The following PPP2R3A variants were observed in gnomAD, a reference collection of about 807,000 sequenced individuals.
PPP2R3A encodes the protein protein phosphatase 2 regulatory subunit B''alpha, also known as serine/threonine-protein phosphatase 2A regulatory subunit B'' subunit alpha.
In PPP2R3A, 80 loss-of-function variants were observed where a neutral mutation model predicts 106.9. The observed-to-expected ratio is 0.75, with a 90% CI of 0.62 to 0.90. The LOEUF (loss-of-function observed/expected upper bound fraction) is 0.90. PPP2R3A is among the 40% of genes least tolerant of loss of function. PPP2R3A has a pLI of 0.00. For missense variants in PPP2R3A, 1,386 were observed against 1,350.4 expected, an observed-to-expected ratio of 1.03 and a Z score of -0.41; for synonymous variants, 483 against 468.3, an observed-to-expected ratio of 1.03 and a Z score of -0.41.
rs543832763 is a variant in PPP2R3A at position 136,001,147 on chromosome 3, A to G, written c.-352A>G. On this transcript the variant is annotated 5_prime_UTR_variant, in exon 2 of 14. It removes an upstream start codon present in the reference 5' UTR. Coordinates refer to ENST00000264977, the MANE Select transcript of PPP2R3A (RefSeq NM_002718.5). ...ACTTCTCTACTACCAACTAAGATTT[A>G]TGATAGTAAATTTATGAGAGCAAAT... 2.7e-4 allele frequency: 110 copies of G among 407,728 alleles called. No homozygotes were observed. The highest frequency in any genetic ancestry group is 2.1e-3 in the African/African-American group (103 of 48,792). 25.3% of individuals were successfully genotyped at this position (407,728 alleles called of 1,614,324 possible). A position where few individuals can be genotyped will look rare whatever the true frequency, so the allele number is the denominator to read the frequency against.
chr3:136,031,152 T>C (rs949455015), intron 3 of PPP2R3A, among the ~76,000 whole-genome samples: 2 of 152,110 alleles, frequency 1.3e-5, no homozygotes, highest in Non-Finnish European at 2.9e-5. Context: ...TTGTTTTGTT[T>C]TTTCAGGGGT....
At chr3:136,099,560 A>G (rs570782107) in intron 10 of PPP2R3A, among the ~76,000 whole-genome samples, 1 of 152,082 alleles carries the variant, frequency 6.6e-6, no homozygotes, top group Admixed American at 6.6e-5. Context: ...TAGCAGAAAT[A>G]AAAAAACAAT....
At chr3:136,137,605 G>C (rs1264615905) in intron 13 of PPP2R3A, among the ~76,000 whole-genome samples, 3 of 137,006 alleles carry the variant, frequency 2.2e-5, no homozygotes, top group African/African-American at 8.3e-5. Context: ...GCAGTAGCGC[G>C]ATCTCCGCTC....
At chr3:136,010,866 T>A (rs942653749) in intron 2 of PPP2R3A, among the ~76,000 whole-genome samples, 14 of 152,148 alleles carry the variant, frequency 9.2e-5, no homozygotes, top group African/African-American at 3.4e-4. Flanking sequence ...GCTCAATCAC[T>A]CCTTCAGCAG....
intron 8 of PPP2R3A, 34 bp from the exon 9 acceptor site, chr3:136,087,849 C>G (rs776866790): frequency 1.4e-5 from 22 of 1,567,770 alleles, no homozygotes; most frequent in Non-Finnish European, 1.8e-5. Flanking sequence ...ATGTTTCTAA[C>G]TAGCTTTGCA....
intron 9 of PPP2R3A, 93 bp from the exon 10 acceptor site, chr3:136,090,485 A>G: frequency 2.0e-6 from 2 of 1,013,048 alleles, no homozygotes. Flanking sequence ...AAAAAATTTT[A>G]ACTGACATAC....
At position 136,026,946 on chromosome 3, in the gene PPP2R3A, C is replaced by T; in HGVS notation, c.2110C>T (p.Pro704Ser). ...CCATGTGAATAATGTTGTGAATGCGCCATTGTCCATAAACATTCCACGGTT... is the reference window on the plus strand; with the variant it reads ...CCATGTGAATAATGTTGTGAATGCGTCATTGTCCATAAACATTCCACGGTT... Reference protein sequence around the residue: ...VPHVNNVVNAPLSINIPRFYF... With the variant: ...VPHVNNVVNASLSINIPRFYF... The change falls in exon 3 of 14, where the codon CCA becomes TCA. Residue 704 changes from proline to serine, a missense_variant. Pro to Ser is a moderately conservative substitution (Grantham distance 74, BLOSUM62 -1). Coordinates refer to ENST00000264977, the MANE Select transcript of PPP2R3A (RefSeq NM_002718.5). 6.2e-7 allele frequency: 1 copy of T among 1,613,660 alleles called. No homozygotes were observed. The highest frequency in any genetic ancestry group is 8.5e-7 in the Non-Finnish European group (1 of 1,179,622).
At position 136,147,321 on chromosome 3, in the gene PPP2R3A, G is replaced by C. The variant is rs748479467; in HGVS notation, c.*2155G>C. On this transcript the variant is annotated 3_prime_UTR_variant, in exon 14 of 14. Coordinates refer to ENST00000264977, the MANE Select transcript of PPP2R3A (RefSeq NM_002718.5). The stretch of plus-strand genomic sequence containing the variant: ...CGAGGCTGCAGTGAGCTATGATTAC[G>C]ACACTGCACTCCAGCCTAGGCGACA... 4 of 152,586 alleles carry C rather than the reference G, an allele frequency of 2.6e-5. No homozygotes were observed. Among genetic ancestry groups the C allele is most frequent in the African/African-American group, 9.7e-5 (4 of 41,438 alleles). 9.5% of individuals were successfully genotyped at this position (152,586 alleles called of 1,614,324 possible).
intron 13 of PPP2R3A, among the ~76,000 whole-genome samples, chr3:136,111,767 A>G (rs1937595415): frequency 6.6e-6 from 1 of 152,176 alleles, no homozygotes; most frequent in Non-Finnish European, 1.5e-5. Flanking sequence ...ATTTCAAAAA[A>G]TCAAGGAGGG....
intron 5 of PPP2R3A, among the ~76,000 whole-genome samples, chr3:136,056,431 G>T (rs1935863139): frequency 6.6e-6 from 1 of 152,008 alleles, no homozygotes; most frequent in Non-Finnish European, 1.5e-5. Context: ...AGGGTATATG[G>T]GAACTCTCAG....
intron 10 of PPP2R3A, among the ~76,000 whole-genome samples, chr3:136,101,493 T>C (rs1425408104): frequency 1.3e-5 from 2 of 152,154 alleles, no homozygotes; most frequent in Admixed American, 6.5e-5. Context: ...AGCGCAGTCT[T>C]GGCTCACTGC....
Position 136,002,944 on chromosome 3 carries a change from G to A in PPP2R3A, c.1446G>A (p.Lys482=). 1 of 1,612,664 alleles carries A rather than the reference G, an allele frequency of 6.2e-7. No homozygotes were observed. Among genetic ancestry groups the A allele is most frequent in the Non-Finnish European group, 8.5e-7 (1 of 1,179,622 alleles). ...AGAAATCATTTGTTAATCTACCTAA[G>A]GAAGACTGTAAATCAAAAGTTTCTA... ...IFEKSFVNLP[K]EDCKSKVSKF... Residue 482 remains lysine, a synonymous_variant, in exon 2 of 14, where the codon AAG becomes AAA. Coordinates refer to ENST00000264977, the MANE Select transcript of PPP2R3A (RefSeq NM_002718.5).
chr3:136,129,515 G>A (rs1003064927), intron 13 of PPP2R3A, among the ~76,000 whole-genome samples: 1 of 152,110 alleles, frequency 6.6e-6, no homozygotes, highest in Non-Finnish European at 1.5e-5. Context: ...TGAAATTGAG[G>A]CAATAATTAA....
At chr3:136,083,158 C>T (rs1029947249) in intron 8 of PPP2R3A, among the ~76,000 whole-genome samples, 4 of 152,128 alleles carry the variant, frequency 2.6e-5, no homozygotes, top group African/African-American at 9.7e-5. Flanking sequence ...GGACTACAGG[C>T]ACATGCCACC....
chr3:135,997,739 T>G (rs1386619551), intron 1 of PPP2R3A, among the ~76,000 whole-genome samples: 1 of 152,168 alleles, frequency 6.6e-6, no homozygotes, highest in Admixed American at 6.5e-5. Flanking sequence ...AAATCCAAGA[T>G]TCCTCCCTGT....
intron 5 of PPP2R3A, among the ~76,000 whole-genome samples, chr3:136,056,153 C>G (rs914600731): frequency 2.0e-5 from 3 of 152,166 alleles, no homozygotes; most frequent in Admixed American, 6.5e-5. Flanking sequence ...TACATAATAC[C>G]TGAGTAGTAC....
intron 5 of PPP2R3A, among the ~76,000 whole-genome samples, chr3:136,063,219 T>G (rs1253815079): frequency 6.6e-6 from 1 of 152,212 alleles, no homozygotes; most frequent in Non-Finnish European, 1.5e-5. Flanking sequence ...GCTAGCCATA[T>G]GTAGAAAGCT....
intron 2 of PPP2R3A, among the ~76,000 whole-genome samples, chr3:136,010,295 A>G (rs1193703041): frequency 4.2e-4 from 47 of 110,638 alleles, no homozygotes; most frequent in South Asian, 1.3e-3. Flanking sequence ...GTCTCACTCT[A>G]TTGCCCAGGC....
At chr3:136,088,962 G>T (rs904731169) in intron 9 of PPP2R3A, among the ~76,000 whole-genome samples, 1 of 151,978 alleles carries the variant, frequency 6.6e-6, no homozygotes, top group East Asian at 1.9e-4. Flanking sequence ...ATTTAAGTTC[G>T]ATATAGAGTC....
Sources: allele counts gnomAD v4.1 joint callset (sites outside exome capture counted in the v4.1 genomes callset), GRCh38; gene constraint gnomAD v4.1.1; transcripts MANE v1.5; gene names NCBI Gene and HGNC (gene_info 2026-07-23, HGNC 2026-07-21).